The following SPEF2 variants were observed in gnomAD, a reference collection of about 807,000 sequenced individuals.
SPEF2 encodes the protein sperm flagella and cilia-associated protein 2.
Under a neutral mutation model 224.6 loss-of-function variants are expected in SPEF2, and 187 were observed. The ratio of observed to expected loss-of-function variants is 0.83; its 90% CI spans 0.74 to 0.94. The LOEUF (loss-of-function observed/expected upper bound fraction) is 0.94, where lower values mean the gene tolerates loss of function less well. Among genes scored for constraint, SPEF2 ranks in the 40% least tolerant of loss-of-function variants. The pLI is 0.00. For synonymous variants in SPEF2, 715 were observed against 707.3 expected, an observed-to-expected ratio of 1.01 and a Z score of -0.17; for missense variants, 2,170 against 2,135.6, an observed-to-expected ratio of 1.02 and a Z score of -0.32.
intron 10 of SPEF2, among the ~76,000 whole-genome samples, chr5:35,674,897 T>C (rs963823001): frequency 1.3e-5 from 2 of 152,184 alleles, no homozygotes; most frequent in East Asian, 3.9e-4. Context: ...AACTTTTAAT[T>C]TCACATGAAG....
intron 23 of SPEF2, among the ~76,000 whole-genome samples, chr5:35,743,276 A>G (rs748158332): frequency 3.3e-5 from 5 of 152,198 alleles, no homozygotes; most frequent in Non-Finnish European, 2.9e-5. Context: ...AAAAACTTGG[A>G]ATTAAATTTA....
chr5:35,690,626 A>G (rs1353837795), intron 10 of SPEF2, among the ~76,000 whole-genome samples: 2 of 152,136 alleles, frequency 1.3e-5, no homozygotes, highest in African/African-American at 4.8e-5. Flanking sequence ...CGGTAGACTT[A>G]GAGATGTTGA....
chr5:35,738,151 C>T (rs1400890162), intron 21 of SPEF2, among the ~76,000 whole-genome samples: 1 of 152,032 alleles, frequency 6.6e-6, no homozygotes, highest in African/African-American at 2.4e-5. Flanking sequence ...AAATTTTCTC[C>T]CCTTCTGTAG....
At chr5:35,640,131 T>C (rs908573872) in intron 2 of SPEF2, among the ~76,000 whole-genome samples, 1 of 152,160 alleles carries the variant, frequency 6.6e-6, no homozygotes, top group African/African-American at 2.4e-5. Context: ...ATGATACAAT[T>C]GAGAGAAAGA....
intron 29 of SPEF2, among the ~76,000 whole-genome samples, chr5:35,777,216 G>C (rs1753718080): frequency 6.6e-6 from 1 of 152,150 alleles, no homozygotes; most frequent in Non-Finnish European, 1.5e-5. Flanking sequence ...CATGTAAAAA[G>C]CAGCTGTTAT....
intron 34 of SPEF2, among the ~76,000 whole-genome samples, chr5:35,804,498 T>A (rs1331791472): frequency 6.6e-6 from 1 of 152,178 alleles, no homozygotes; most frequent in African/African-American, 2.4e-5. Context: ...CACCTCCTCT[T>A]GCACACGTTT....
At chr5:35,772,163 TAA>T (rs1339700727) in intron 27 of SPEF2, among the ~76,000 whole-genome samples, 1 of 152,198 alleles carries the variant, frequency 6.6e-6, no homozygotes, top group Non-Finnish European at 1.5e-5. Flanking sequence ...GCCTCCTGCC[TAA>T]ATCCCTGGCT....
chr5:35,771,738 G>A lies in SPEF2; in HGVS notation c.3931G>A (p.Glu1311Lys). 6.3e-7 allele frequency: 1 copy of A among 1,590,684 alleles called. No homozygotes were observed. Among genetic ancestry groups the A allele is most frequent in the Non-Finnish European group, 8.5e-7 (1 of 1,174,284 alleles). ...VKKEPPKKKQ[E>K]DKKPKGKSPP... is the part of the protein sequence containing the mutation. Reference sequence around the variant, plus strand: ...AAAGGAGCCACCCAAGAAAAAACAGGAAGACAAAAAACCCAAAGGTATTTA... The same window carrying A: ...AAAGGAGCCACCCAAGAAAAAACAGAAAGACAAAAAACCCAAAGGTATTTA... The change falls in exon 27 of 37, where the codon GAA (glutamate) becomes AAA (lysine). Residue 1311 changes from glutamate to lysine, a missense_variant. Physicochemically the swap from Glu to Lys is moderately conservative, Grantham distance 56. Transcript: ENST00000356031.
intron 21 of SPEF2, among the ~76,000 whole-genome samples, chr5:35,731,289 A>G (rs2149666847): frequency 6.6e-6 from 1 of 152,360 alleles, no homozygotes; most frequent in South Asian, 2.1e-4. Context: ...ATACAGAATC[A>G]GTCATGAAGT....
chr5:35,736,677 A>G (rs1347257727), intron 21 of SPEF2, among the ~76,000 whole-genome samples: 1 of 152,234 alleles, frequency 6.6e-6, no homozygotes, highest in African/African-American at 2.4e-5. Flanking sequence ...GTGGAGACAC[A>G]GAGCCAAACC....
At chr5:35,696,521 T>C (rs1347158322) in intron 14 of SPEF2, among the ~76,000 whole-genome samples, 1 of 152,192 alleles carries the variant, frequency 6.6e-6, no homozygotes, top group Non-Finnish European at 1.5e-5. Context: ...GTTTTATATT[T>C]ACATCTATTG....
At chr5:35,644,021 GT>G (rs1746986746) in intron 3 of SPEF2, among the ~76,000 whole-genome samples, 1 of 151,798 alleles carries the variant, frequency 6.6e-6, no homozygotes, top group Non-Finnish European at 1.5e-5. Flanking sequence ...GTTAAAGTTG[GT>G]TTAATGAAAT....
chr5:35,713,564 T>A (rs1225419763), intron 20 of SPEF2, among the ~76,000 whole-genome samples: 1 of 150,828 alleles, frequency 6.6e-6, no homozygotes, highest in African/African-American at 2.4e-5. Flanking sequence ...TGAAACCCCA[T>A]CTCTACTAAA....
rs1056263220 is a variant in SPEF2 at position 35,803,859 on chromosome 5, A to C, written c.5011-2848A>C. Among the ~76,000 whole-genome samples the C allele has an allele frequency of 7.2e-5, 11 of 152,324 alleles. 1 individual carries two copies. The highest frequency in any genetic ancestry group is 1.9e-4 in the East Asian group (1 of 5,184). On this transcript the variant is annotated intron_variant, in intron 34 of 36. Coordinates refer to ENST00000356031, the MANE Select transcript of SPEF2 (RefSeq NM_024867.4). The stretch of plus-strand genomic sequence containing the variant: ...TACTCTATTTCTGCTATTCATGCTG[A>C]TTTTATTCAATGCGGCTCAGGCCTT...
At chr5:35,704,233 T>TA (rs11434496) in intron 16 of SPEF2, among the ~76,000 whole-genome samples, 81,397 of 151,848 alleles carry the variant, frequency 0.54, 22,244 homozygotes, top group African/African-American at 0.56. Context: ...ATCACTGTGT[T>TA]AATTTTTCCT....
intron 29 of SPEF2, among the ~76,000 whole-genome samples, chr5:35,777,598 C>T (rs1753770583): frequency 6.6e-6 from 1 of 150,854 alleles, no homozygotes; most frequent in African/African-American, 2.5e-5. Context: ...TATATGTCTG[C>T]CCTGTGAATC....
intron 23 of SPEF2, among the ~76,000 whole-genome samples, chr5:35,745,614 T>C (rs184587754): frequency 1.1e-3 from 166 of 152,222 alleles, no homozygotes; most frequent in African/African-American, 3.7e-3. Context: ...CCTAGGTGCA[T>C]AACTCCAGTG....
At chr5:35,725,570 A>G (rs975491687) in intron 20 of SPEF2, among the ~76,000 whole-genome samples, 12 of 152,124 alleles carry the variant, frequency 7.9e-5, no homozygotes, top group Admixed American at 1.3e-4. Flanking sequence ...ATGTCCTCTC[A>G]TCAATTGATC....
chr5:35,790,444 A>T, intron 30 of SPEF2: 1 of 428,494 alleles, frequency 2.3e-6, no homozygotes, highest in Non-Finnish European at 4.1e-6. Flanking sequence ...AAATAAAATA[A>T]ATGGTTTCCA....
Sources: gnomAD v4.1 joint callset for allele counts (sites outside exome capture counted in the v4.1 genomes callset) on GRCh38, gnomAD v4.1.1 for gene constraint, MANE v1.5 for transcripts, NCBI Gene and HGNC (gene_info 2026-07-23, HGNC 2026-07-21) for gene names.